ADCY5: variants seen among roughly 807,000 people sequenced by gnomAD.
ADCY5 encodes the protein adenylate cyclase type 5.
ADCY5 carries 30 observed loss-of-function variants against 119.7 expected under a neutral mutation model. The observed-to-expected ratio is 0.25, with a 90% CI of 0.19 to 0.34. The LOEUF (loss-of-function observed/expected upper bound fraction) is 0.34, where lower values mean the gene tolerates loss of function less well. Among genes scored for constraint, ADCY5 ranks in the 10% least tolerant of loss-of-function variants. The pLI is 1.00. For synonymous variants in ADCY5, 753 were observed against 762.2 expected (o/e 0.99, Z 0.20); for missense variants, 1,324 against 1,775.2 (o/e 0.75, Z 4.57).
intron 3 of ADCY5, among the ~76,000 whole-genome samples, chr3:123,346,059 C>T (rs2108472898): frequency 6.6e-6 from 1 of 152,348 alleles, no homozygotes; most frequent in South Asian, 2.1e-4. Flanking sequence ...GTACAGCCCT[C>T]TTCTTTGCTG....
At chr3:123,374,554 C>T (rs963227379) in intron 1 of ADCY5, among the ~76,000 whole-genome samples, 3 of 152,174 alleles carry the variant, frequency 2.0e-5, no homozygotes, top group African/African-American at 4.8e-5. Flanking sequence ...TTAAGCAACT[C>T]GCTCCAGGCC....
At chr3:123,306,834 A>G (rs1940223598) in intron 12 of ADCY5, among the ~76,000 whole-genome samples, 1 of 152,258 alleles carries the variant, frequency 6.6e-6, no homozygotes, top group Admixed American at 6.5e-5. Flanking sequence ...CTGAAAGTGG[A>G]AACAATTTAA....
chr3:123,400,470 G>GT (rs1211971178), intron 1 of ADCY5, among the ~76,000 whole-genome samples: 1 of 152,194 alleles, frequency 6.6e-6, no homozygotes, highest in Admixed American at 6.5e-5. Context: ...TATGTGCAAA[G>GT]ACCTTCATCT....
intron 1 of ADCY5, among the ~76,000 whole-genome samples, chr3:123,408,751 G>A (rs9842029): frequency 0.058 from 8,885 of 152,050 alleles, 596 homozygotes; most frequent in African/African-American, 0.16. Context: ...CCGAGTGGGT[G>A]GATCACCTGA....
intron 17 of ADCY5, among the ~76,000 whole-genome samples, chr3:123,294,908 G>A (rs1023001454): frequency 6.6e-6 from 1 of 152,182 alleles, no homozygotes; most frequent in African/African-American, 2.4e-5. Flanking sequence ...AGAGCCTCCT[G>A]GAAATGTTCC....
chr3:123,428,309 T>A (rs1025306413), intron 1 of ADCY5, among the ~76,000 whole-genome samples: 11 of 152,196 alleles, frequency 7.2e-5, no homozygotes, highest in African/African-American at 1.4e-4. Flanking sequence ...TTGCCAGGAC[T>A]TTTGTGCCTG....
intron 17 of ADCY5, among the ~76,000 whole-genome samples, chr3:123,292,874 A>G (rs1450252137): frequency 1.3e-5 from 2 of 152,006 alleles, no homozygotes; most frequent in Non-Finnish European, 2.9e-5. Context: ...TGCCAGAAGC[A>G]CTACAGCTCC....
chr3:123,296,950 G>A, intron 16 of ADCY5: 2 of 1,528,586 alleles, frequency 1.3e-6, no homozygotes, highest in African/African-American at 1.4e-5. Flanking sequence ...TCAATGCAGG[G>A]ACGGGTCCCA....
chr3:123,412,277 C>T (rs1308493673), intron 1 of ADCY5, among the ~76,000 whole-genome samples: 2 of 152,198 alleles, frequency 1.3e-5, no homozygotes, highest in East Asian at 3.9e-4. Flanking sequence ...CCAGGCTGCC[C>T]TTAGAGAAGG....
At chr3:123,386,601 T>G (rs2107574400) in intron 1 of ADCY5, among the ~76,000 whole-genome samples, 1 of 152,270 alleles carries the variant, frequency 6.6e-6, no homozygotes, top group African/African-American at 2.4e-5. Context: ...TGCTAAATCA[T>G]ATGGTCACCA....
intron 1 of ADCY5, among the ~76,000 whole-genome samples, chr3:123,403,260 G>A (rs1944820999): frequency 6.6e-6 from 1 of 151,832 alleles, no homozygotes; most frequent in South Asian, 2.1e-4. Context: ...CACATCTGTG[G>A]TCTCAGCTAC....
At chr3:123,407,893 AG>A (rs1248341951) in intron 1 of ADCY5, among the ~76,000 whole-genome samples, 1 of 151,752 alleles carries the variant, frequency 6.6e-6, no homozygotes, top group Non-Finnish European at 1.5e-5. Context: ...AGTGGTTGCC[AG>A]GGGCTGAGGG....
intron 14 of ADCY5, among the ~76,000 whole-genome samples, chr3:123,302,096 G>A (rs976606974): frequency 3.5e-4 from 54 of 152,322 alleles, no homozygotes; most frequent in Middle Eastern, 6.8e-3. Flanking sequence ...TTTGGGAGTT[G>A]GATGAAAACA....
At chr3:123,377,926 T>C (rs1331174093) in intron 1 of ADCY5, among the ~76,000 whole-genome samples, 1 of 31,978 alleles carries the variant, frequency 3.1e-5, no homozygotes, top group Non-Finnish European at 6.5e-5. Flanking sequence ...CAAGACTCCA[T>C]CTCAAAAAAA....
Position 123,289,907 on chromosome 3 carries a change from G to T in ADCY5, c.3375C>A (p.Ile1125=). ...RFRQLEKIKT[I]GSTYMAASGL... is the part of the protein sequence containing the mutation. ...CGGAGGCAGCCATGTAGGTGCTGCC[G>T]ATGGTCTTGATCTTCTCCAGCTGCC... The change falls in exon 19 of 21, where the codon ATC becomes ATA. Residue 1125 remains isoleucine, a synonymous_variant. Coordinates refer to ENST00000462833, the MANE Select transcript of ADCY5 (RefSeq NM_183357.3). 1 of 1,614,198 alleles carries T rather than the reference G, an allele frequency of 6.2e-7. No homozygotes were observed. Among genetic ancestry groups the T allele is most frequent in the South Asian group, 1.1e-5 (1 of 91,084 alleles).
intron 1 of ADCY5, among the ~76,000 whole-genome samples, chr3:123,378,104 C>A (rs181914341): frequency 7.2e-5 from 11 of 152,286 alleles, no homozygotes; most frequent in African/African-American, 2.6e-4. Context: ...GTATAGCAGT[C>A]GCCTGCTCTC....
chr3:123,359,289 A>G (rs1943152318), intron 1 of ADCY5, among the ~76,000 whole-genome samples: 1 of 144,992 alleles, frequency 6.9e-6, no homozygotes, highest in African/African-American at 2.6e-5. Context: ...ATCTTTTAGT[A>G]TAAGTAGGTT....
chr3:123,330,684 C>T (rs1053446098), intron 5 of ADCY5, among the ~76,000 whole-genome samples: 8 of 152,354 alleles, frequency 5.3e-5, no homozygotes, highest in Middle Eastern at 3.4e-3. Flanking sequence ...AAAAGCTGCC[C>T]AGGCTGCTGT....
intron 1 of ADCY5, among the ~76,000 whole-genome samples, chr3:123,412,382 C>A (rs569392032): frequency 6.6e-6 from 1 of 152,322 alleles, no homozygotes; most frequent in South Asian, 2.1e-4. Flanking sequence ...GGGCTCTCCC[C>A]CAACTCTGAA....
Sources: gnomAD v4.1 joint callset for allele counts (sites outside exome capture counted in the v4.1 genomes callset) on GRCh38, gnomAD v4.1.1 for gene constraint, MANE v1.5 for transcripts, NCBI Gene and HGNC (gene_info 2026-07-23, HGNC 2026-07-21) for gene names.